Variants in NBEA observed in about 807,000 individuals in gnomAD.
NBEA encodes lysosomal-trafficking regulator 2.
Under a neutral mutation model 343.4 loss-of-function variants are expected in NBEA, and 44 were observed. The observed-to-expected ratio is 0.13, with a 90% CI of 0.10 to 0.16. The LOEUF is 0.16. Ranked by LOEUF, NBEA falls within the 10% of genes least tolerant of loss-of-function variation. The probability of loss-of-function intolerance (pLI) is 1.00; values close to 1 mark genes in which losing one functional copy is unlikely to be tolerated. For missense variants in NBEA, 2,555 were observed against 3,631.3 expected (o/e 0.70, Z 7.62); for synonymous variants, 1,175 against 1,238.7 (o/e 0.95, Z 1.08).
intron 34 of NBEA, chr13:35,251,175 T>C (rs2031912328): frequency 7.8e-6 from 2 of 254,856 alleles, no homozygotes; most frequent in South Asian, 1.2e-4. Context: ...GTGTGGGACA[T>C]TGTGGTAGGG....
intron 38 of NBEA, among the ~76,000 whole-genome samples, chr13:35,421,869 A>G (rs1297894540): frequency 2.6e-5 from 4 of 152,098 alleles, no homozygotes; most frequent in Non-Finnish European, 1.5e-5. Flanking sequence ...TTTCTGATGT[A>G]AAATATATTG....
chr13:35,228,859 A>G (rs887437582), intron 33 of NBEA, among the ~76,000 whole-genome samples: 1 of 152,118 alleles, frequency 6.6e-6, no homozygotes, highest in Non-Finnish European at 1.5e-5. Context: ...TTCAAACCAC[A>G]CTTGATAAAG....
intron 36 of NBEA, among the ~76,000 whole-genome samples, chr13:35,332,495 G>C (rs1375733277): frequency 6.6e-6 from 1 of 152,028 alleles, no homozygotes; most frequent in East Asian, 1.9e-4. Context: ...TGTAAGTTGT[G>C]GGTAGCCACT....
At chr13:35,291,981 TAA>T (rs1343008109) in intron 35 of NBEA, among the ~76,000 whole-genome samples, 1 of 152,010 alleles carries the variant, frequency 6.6e-6, no homozygotes, top group Admixed American at 6.6e-5. Flanking sequence ...TTAAATATTT[TAA>T]GTGTTTAATT....
At chr13:35,417,450 G>A (rs973210519) in intron 38 of NBEA, among the ~76,000 whole-genome samples, 12 of 151,916 alleles carry the variant, frequency 7.9e-5, no homozygotes, top group African/African-American at 2.9e-4. Flanking sequence ...TGTTCTCATT[G>A]GTTTCAAAGA....
chr13:35,660,403 A>G (rs1345793913), intron 55 of NBEA, among the ~76,000 whole-genome samples: 1 of 152,202 alleles, frequency 6.6e-6, no homozygotes, highest in Non-Finnish European at 1.5e-5. Context: ...CATCTTTTCA[A>G]CTCAAATCTA....
At chr13:35,558,642 G>A (rs2079702325) in intron 44 of NBEA, among the ~76,000 whole-genome samples, 2 of 152,206 alleles carry the variant, frequency 1.3e-5, no homozygotes, top group African/African-American at 4.8e-5. Context: ...AGACCTGTTA[G>A]AGATTTCTGA....
chr13:35,599,625 G>A (rs915590633), intron 47 of NBEA, among the ~76,000 whole-genome samples: 2 of 152,208 alleles, frequency 1.3e-5, no homozygotes, highest in African/African-American at 4.8e-5. Flanking sequence ...CTCTTAGGCT[G>A]CCCTAAGAAG....
intron 35 of NBEA, among the ~76,000 whole-genome samples, chr13:35,290,962 G>A (rs1172338705): frequency 2.6e-5 from 4 of 151,508 alleles, no homozygotes. Context: ...ATCTACTTGA[G>A]CTGTTTGTCT....
intron 25 of NBEA, among the ~76,000 whole-genome samples, chr13:35,170,468 T>A (rs1019505519): frequency 2.0e-5 from 3 of 151,886 alleles, no homozygotes; most frequent in Non-Finnish European, 2.9e-5. Context: ...ATTAAAATGC[T>A]GTATAGTCCA....
intron 36 of NBEA, among the ~76,000 whole-genome samples, chr13:35,330,884 A>G (rs2038886214): frequency 6.6e-6 from 1 of 152,054 alleles, no homozygotes; most frequent in Admixed American, 6.6e-5. Flanking sequence ...CCTGCTACAT[A>G]TACCATCATT....
chr13:35,057,270 G>A (rs764204190), intron 7 of NBEA, among the ~76,000 whole-genome samples: 1 of 152,032 alleles, frequency 6.6e-6, no homozygotes, highest in Admixed American at 6.6e-5. Context: ...TGCTTATCCT[G>A]TCTTGTATTC....
At chr13:34,966,275 C>G (rs941081865) in intron 1 of NBEA, among the ~76,000 whole-genome samples, 20 of 152,088 alleles carry the variant, frequency 1.3e-4, no homozygotes, top group African/African-American at 4.1e-4. Flanking sequence ...GTAGTGTCCT[C>G]TTATCCTTTC....
rs568532379 is a variant in NBEA at position 35,592,965 on chromosome 13, A to G, written c.7177-363A>G. On this transcript the variant is annotated intron_variant, in intron 46 of 58. Coordinates refer to ENST00000379939, the MANE Select transcript of NBEA (RefSeq NM_001385012.1). ...GATTTTTGTGATCAGTATCAGAGTG[A>G]TTTTTCTTATTGCAATGTTAGTGTA... is the stretch of plus-strand genomic sequence containing the variant. 5.3e-5 allele frequency: 10 copies of G among 188,130 alleles called. No individual in the cohort carries two copies. The East Asian group carries it at 1.4e-3, about 27-fold the overall frequency. 11.7% of individuals were successfully genotyped at this position (188,130 alleles called of 1,614,324 possible).
At chr13:35,653,515 G>A (rs1278603466) in intron 53 of NBEA, among the ~76,000 whole-genome samples, 1 of 151,966 alleles carries the variant, frequency 6.6e-6, no homozygotes, top group South Asian at 2.1e-4. Context: ...ATTTTTAGTA[G>A]AGACAGGGTT....
chr13:34,983,295 T>C (rs2060424841), intron 1 of NBEA, among the ~76,000 whole-genome samples: 1 of 152,162 alleles, frequency 6.6e-6, no homozygotes, highest in African/African-American at 2.4e-5. Context: ...GTCCTTGCGA[T>C]AGTTTGCTCA....
At chr13:35,627,961 A>T in intron 48 of NBEA, 120 bp from the exon 49 acceptor site, 1 of 702,752 alleles carries the variant, frequency 1.4e-6, no homozygotes, top group Admixed American at 3.5e-5. Flanking sequence ...TAAATCAAGT[A>T]CAGAAATTTA....
intron 41 of NBEA, among the ~76,000 whole-genome samples, chr13:35,516,492 A>G (rs1018262022): frequency 1.3e-5 from 2 of 152,176 alleles, no homozygotes; most frequent in South Asian, 2.1e-4. Context: ...AGTTCTATAA[A>G]TGGGAAATTT....
intron 1 of NBEA, among the ~76,000 whole-genome samples, chr13:34,945,891 C>CT (rs2059171836): frequency 6.6e-6 from 1 of 152,134 alleles, no homozygotes; most frequent in African/African-American, 2.4e-5. Context: ...AAGTGTAGGA[C>CT]TTCTTCAACA....
Sources: gnomAD v4.1 joint callset for allele counts (sites outside exome capture counted in the v4.1 genomes callset) on GRCh38, gnomAD v4.1.1 for gene constraint, MANE v1.5 for transcripts, NCBI Gene and HGNC (gene_info 2026-07-23, HGNC 2026-07-21) for gene names.